Variants in HSPBAP1 observed in about 807,000 individuals in gnomAD.
HSPBAP1 encodes HSPB1 associated protein 1.
Under a neutral mutation model 45.2 loss-of-function variants are expected in HSPBAP1, and 27 were observed. That is an observed-to-expected ratio of 0.60 (90% CI 0.44 to 0.82). The LOEUF (loss-of-function observed/expected upper bound fraction) is 0.82, where lower values mean the gene tolerates loss of function less well. HSPBAP1 is among the 40% of genes least tolerant of loss of function. The pLI, the probability that HSPBAP1 is intolerant of heterozygous loss-of-function variation, is 0.00. For synonymous variants in HSPBAP1, 204 were observed against 202.7 expected, an observed-to-expected ratio of 1.01 and a Z score of -0.06; for missense variants, 510 against 590.9, an observed-to-expected ratio of 0.86 and a Z score of 1.42.
intron 1 of HSPBAP1, among the ~76,000 whole-genome samples, chr3:122,788,187 A>G (rs1935714324): frequency 6.6e-6 from 1 of 152,080 alleles, no homozygotes; most frequent in African/African-American, 2.4e-5. Flanking sequence ...ACACTTATAA[A>G]CCCTTGTTCA....
At chr3:122,752,324 CA>C (rs1934181621) in intron 6 of HSPBAP1, among the ~76,000 whole-genome samples, 1 of 152,028 alleles carries the variant, frequency 6.6e-6, no homozygotes, top group Non-Finnish European at 1.5e-5. Context: ...CAACACTGGT[CA>C]AGGGAAAGGA....
chr3:122,752,759 G>A, intron 5 of HSPBAP1, 85 bp from the exon 6 acceptor site: 1 of 1,409,672 alleles, frequency 7.1e-7, no homozygotes, highest in Non-Finnish European at 9.4e-7. Flanking sequence ...AGGCTGCTAG[G>A]AAAAAAAGGA....
intron 6 of HSPBAP1, among the ~76,000 whole-genome samples, chr3:122,745,464 C>T (rs528011186): frequency 6.6e-6 from 1 of 152,256 alleles, no homozygotes; most frequent in East Asian, 1.9e-4. Context: ...TACCCGTGGG[C>T]AATCTCAGTC....
Position 122,768,819 on chromosome 3 carries a change from T to C in HSPBAP1, c.314A>G (p.Asn105Ser), listed in dbSNP as rs754502814. ...TCCAGAAATACTAGACTGGTCACAG[T>C]TCCAGGTCAGAAACTCTTCGAGTGT... ...EATLEEFLTW[N>S]CDQSSISGPF... is the part of the protein sequence containing the mutation. Residue 105 changes from asparagine to serine, a missense_variant, in exon 3 of 8, where the codon AAC becomes AGC. Physicochemically the swap from Asn to Ser is conservative, Grantham distance 46. Transcript: ENST00000306103. The C allele has an allele frequency of 5.0e-6, 8 of 1,612,582 alleles. No individual in the cohort carries two copies. The Admixed American group carries it at 8.3e-5, about 17-fold the overall frequency.
Position 122,740,731 on chromosome 3 carries a change from C to T in HSPBAP1, c.1081G>A (p.Val361Met). 1 of 1,614,158 alleles carries T rather than the reference C, an allele frequency of 6.2e-7. No homozygotes were observed. Among genetic ancestry groups the T allele is most frequent in the South Asian group, 1.1e-5 (1 of 91,088 alleles). ...GEHMKKEELNVCNHMEVGQTG... is the reference protein window; with the variant it reads ...GEHMKKEELNMCNHMEVGQTG... ...TGGCCCACCTCCATGTGGTTGCACA[C>T]ATTTAATTCTTCCTTTTTCATGTGC... Residue 361 changes from valine (V) to methionine (M), a missense_variant, in exon 8 of 8, where the codon GTG (valine) becomes ATG (methionine). Physicochemically the swap from Val to Met is conservative, Grantham distance 21. Transcript: ENST00000306103.
chr3:122,741,037 G>A lies in HSPBAP1; in HGVS notation c.902C>T (p.Pro301Leu). 6 of 1,614,088 alleles carry A rather than the reference G, an allele frequency of 3.7e-6. No homozygotes were observed. The highest frequency in any genetic ancestry group is 5.1e-6 in the Non-Finnish European group (6 of 1,179,986). Residue 301 changes from proline to leucine, a missense_variant, in exon 7 of 8, where the codon CCA (proline) becomes CTA (leucine). Pro to Leu is a moderately conservative substitution (Grantham distance 98). Transcript: ENST00000306103. ...GTTTAACCAGGCTCTGGTATTTTGT[G>A]GATTCTCTGCAGTTTTCAGGGCACA... ...LVCALKTAEN[P>L]QNTRAWLNPT...
chr3:122,776,324 G>C (rs1211515492), intron 2 of HSPBAP1, among the ~76,000 whole-genome samples: 4 of 152,280 alleles, frequency 2.6e-5, no homozygotes, highest in African/African-American at 9.6e-5. Flanking sequence ...AAAGCTCAGA[G>C]TCATTTCTCA....
chr3:122,776,303 C>T (rs191119667), intron 2 of HSPBAP1, among the ~76,000 whole-genome samples: 40 of 152,126 alleles, frequency 2.6e-4, no homozygotes, highest in African/African-American at 9.2e-4. Context: ...AAAAGAACAT[C>T]GTCTTTACTA....
chr3:122,755,949 C>G (rs1475983188), intron 4 of HSPBAP1, among the ~76,000 whole-genome samples: 1 of 152,060 alleles, frequency 6.6e-6, no homozygotes, highest in East Asian at 1.9e-4. Context: ...TGGACATGCA[C>G]AAATAATGCC....
At chr3:122,766,852 A>T (rs564681530) in intron 3 of HSPBAP1, among the ~76,000 whole-genome samples, 43 of 152,354 alleles carry the variant, frequency 2.8e-4, no homozygotes, top group African/African-American at 9.6e-4. Flanking sequence ...ACAATTATTA[A>T]ATCATAGAGT....
intron 7 of HSPBAP1, 49 bp from the exon 8 acceptor site, chr3:122,740,924 A>G (rs1339008347): frequency 1.9e-6 from 3 of 1,608,702 alleles, no homozygotes; most frequent in African/African-American, 2.7e-5. Context: ...ATTTAGTTAC[A>G]CTGGAAAACA....
At chr3:122,765,626 G>T (rs1440556824) in intron 3 of HSPBAP1, among the ~76,000 whole-genome samples, 1 of 150,546 alleles carries the variant, frequency 6.6e-6, no homozygotes, top group Non-Finnish European at 1.5e-5. Context: ...AAATACATGA[G>T]CCTGAAAGCT....
At chr3:122,743,572 A>G (rs1429515518) in intron 6 of HSPBAP1, among the ~76,000 whole-genome samples, 5 of 152,050 alleles carry the variant, frequency 3.3e-5, no homozygotes, top group African/African-American at 1.2e-4. Flanking sequence ...GTCTCAAACA[A>G]CAAAAAAAAA....
intron 2 of HSPBAP1, among the ~76,000 whole-genome samples, chr3:122,776,998 T>C (rs574353033): frequency 7.0e-4 from 107 of 152,294 alleles, no homozygotes; most frequent in Middle Eastern, 3.4e-3. Flanking sequence ...GAAATACAAG[T>C]TAAACATCAG....
intron 1 of HSPBAP1, among the ~76,000 whole-genome samples, chr3:122,780,674 C>A (rs1354148796): frequency 6.6e-6 from 1 of 150,846 alleles, no homozygotes; most frequent in Non-Finnish European, 1.5e-5. Flanking sequence ...ACCTCCCTCC[C>A]GGACGGGGTG....
At chr3:122,765,516 G>C (rs1046274977) in intron 3 of HSPBAP1, among the ~76,000 whole-genome samples, 1 of 151,340 alleles carries the variant, frequency 6.6e-6, no homozygotes, top group African/African-American at 2.4e-5. Context: ...AGGAGGCAGA[G>C]GTTGCAGTGA....
intron 3 of HSPBAP1, among the ~76,000 whole-genome samples, chr3:122,762,919 T>C (rs533717458): frequency 6.6e-6 from 1 of 152,358 alleles, no homozygotes; most frequent in South Asian, 2.1e-4. Flanking sequence ...ACTGATTTTC[T>C]GTATATTTGT....
chr3:122,747,502 C>G lies in HSPBAP1; in HGVS notation c.825+5089G>C, dbSNP rs528614530. ...GAGGGAGGTCGGGGGGGTCAGCCCC[C>G]CTCCCGGCCAGCCGCCCCGTCTCGG... On this transcript the variant is annotated intron_variant, in intron 6 of 7. Transcript: ENST00000306103. Among the ~76,000 whole-genome samples, 8 of 151,326 alleles carry G rather than the reference C, an allele frequency of 5.3e-5. No homozygotes were observed. In the South Asian group the frequency reaches 1.7e-3, roughly 32 times the overall value.
rs1219902385 is a variant in HSPBAP1, at chr3:122,747,306, C to T, written c.825+5285G>A. Among the ~76,000 whole-genome samples, 16 of 151,858 alleles carry T rather than the reference C, an allele frequency of 1.1e-4. No homozygotes were observed. The South Asian group carries it at 1.7e-3, about 16-fold the overall frequency. Reference sequence around the variant, plus strand: ...TGTGGGGAGCGCCTCTGCCCGGCCGCGACCCCATCTAGGAAGTGAGGAGCG... The same window carrying T: ...TGTGGGGAGCGCCTCTGCCCGGCCGTGACCCCATCTAGGAAGTGAGGAGCG... On this transcript the variant is annotated intron_variant, in intron 6 of 7. Coordinates refer to ENST00000306103, the MANE Select transcript of HSPBAP1 (RefSeq NM_024610.6).
Sources: allele counts gnomAD v4.1 joint callset (sites outside exome capture counted in the v4.1 genomes callset), GRCh38; gene constraint gnomAD v4.1.1; transcripts MANE v1.5; gene names NCBI Gene and HGNC (gene_info 2026-07-23, HGNC 2026-07-21).